NAALADL2: variants seen among roughly 807,000 people sequenced by gnomAD.
The protein encoded by NAALADL2 is N-acetylated alpha-linked acidic dipeptidase like 2.
In NAALADL2, 76 loss-of-function variants were observed where a neutral mutation model predicts 87.2. The ratio of observed to expected loss-of-function variants is 0.87; its 90% CI spans 0.72 to 1.05. NAALADL2 has a LOEUF of 1.05. Among genes scored for constraint, NAALADL2 ranks in the 50% least tolerant of loss-of-function variants. The pLI, the probability that NAALADL2 is intolerant of heterozygous loss-of-function variation, is 0.00. For synonymous variants in NAALADL2, 354 were observed against 331.0 expected (o/e 1.07, Z -0.75); for missense variants, 1,089 against 945.8 (o/e 1.15, Z -1.99).
intron 2 of NAALADL2, among the ~76,000 whole-genome samples, chr3:175,232,907 A>G (rs75278914): frequency 6.6e-6 from 1 of 151,900 alleles, no homozygotes; most frequent in African/African-American, 2.4e-5. Context: ...ATTAAAAAAA[A>G]ACTTTCTCAG....
intron 11 of NAALADL2, among the ~76,000 whole-genome samples, chr3:175,632,266 TTCTCTCTCTCTCTCTCTCTC>T (rs61458338): frequency 0.29 from 36,992 of 129,556 alleles, 5,219 homozygotes; most frequent in African/African-American, 0.41. Context: ...CACTTTCCCC[TTCTCTCTCTCTCTCTCTCTC>T]TCTCTCTCTC....
intron 2 of NAALADL2, among the ~76,000 whole-genome samples, chr3:174,681,362 T>C (rs781372996): frequency 3.9e-5 from 6 of 151,920 alleles, no homozygotes; most frequent in Non-Finnish European, 7.4e-5. Context: ...TCAGCTGGGG[T>C]GGCCAAGAGA....
chr3:175,788,621 A>G (rs975006132), intron 13 of NAALADL2, among the ~76,000 whole-genome samples: 2 of 152,196 alleles, frequency 1.3e-5, no homozygotes, highest in African/African-American at 4.8e-5. Flanking sequence ...ATGTTTGCAC[A>G]ATAATGAAAT....
At chr3:174,636,284 A>T (rs1477836710) in intron 2 of NAALADL2, among the ~76,000 whole-genome samples, 1 of 152,162 alleles carries the variant, frequency 6.6e-6, no homozygotes, top group Non-Finnish European at 1.5e-5. Context: ...CTACTCAAAG[A>T]TTTTATAGCT....
chr3:175,054,234 G>C lies in NAALADL2; in HGVS notation c.44-42556G>C, dbSNP rs548200830. 2.0e-4 allele frequency among the ~76,000 whole-genome samples: 31 copies of C among 152,332 alleles called. No homozygotes were observed. In the South Asian group the frequency reaches 5.8e-3, roughly 28 times the overall value. On this transcript the variant is annotated intron_variant, in intron 1 of 13. Coordinates refer to ENST00000454872, the MANE Select transcript of NAALADL2 (RefSeq NM_207015.3). Reference sequence around the variant, plus strand: ...TTAAGCCAGAATAAGAAGCTTTACTGTTGCTAGACCCATCTGTAAAACAAT... The same window carrying C: ...TTAAGCCAGAATAAGAAGCTTTACTCTTGCTAGACCCATCTGTAAAACAAT...
At chr3:174,857,402 C>T (rs4894688), upstream of NAALADL2, among the ~76,000 whole-genome samples, 70,195 of 151,886 alleles carry the variant, frequency 0.46, 16,684 homozygotes, top group African/African-American at 0.56. Context: ...TTTTTGTTAT[C>T]GTTTAAGAAT....
In NAALADL2 at chr3:174,985,932, A is replaced by G. The variant is rs373403113; in HGVS notation, c.44-110858A>G. The stretch of plus-strand genomic sequence containing the variant: ...ACGCCATTGCACTCCAGCCTGGGCA[A>G]CGAGAGCGAAACTCCGTCTCAAAAA... On this transcript the variant is annotated intron_variant, in intron 1 of 13. Coordinates refer to ENST00000454872, the MANE Select transcript of NAALADL2 (RefSeq NM_207015.3). 1.2e-4 allele frequency among the ~76,000 whole-genome samples: 18 copies of G among 152,074 alleles called. 1 individual carries two copies. In the East Asian group the frequency reaches 1.9e-3, roughly 16 times the overall value.
intron 1 of NAALADL2, among the ~76,000 whole-genome samples, chr3:174,968,661 T>G (rs965467197): frequency 1.3e-5 from 2 of 151,966 alleles, no homozygotes; most frequent in Non-Finnish European, 2.9e-5. Context: ...TGTATTTTTA[T>G]TAGAGACGGG....
At chr3:175,371,569 A>G (rs143591091) in intron 5 of NAALADL2, among the ~76,000 whole-genome samples, 5 of 152,162 alleles carry the variant, frequency 3.3e-5, no homozygotes, top group Non-Finnish European at 7.3e-5. Flanking sequence ...TCATGCTTGT[A>G]ATCCCAGCTC....
intron 13 of NAALADL2, 89 bp from the exon 14 acceptor site, chr3:175,802,916 T>A: frequency 1.3e-6 from 1 of 791,910 alleles, no homozygotes; most frequent in Non-Finnish European, 2.0e-6. Context: ...ATTGAAAACA[T>A]CACTGACTCT....
At chr3:175,054,455 T>C (rs576951295) in intron 1 of NAALADL2, among the ~76,000 whole-genome samples, 1 of 152,364 alleles carries the variant, frequency 6.6e-6, no homozygotes, top group African/African-American at 2.4e-5. Context: ...ACTGAATTGA[T>C]AGCTCTTAAG....
At chr3:175,022,610 AAT>A (rs1426385803) in intron 1 of NAALADL2, among the ~76,000 whole-genome samples, 1 of 152,048 alleles carries the variant, frequency 6.6e-6, no homozygotes. Context: ...AAGCTCAGTT[AAT>A]AAGGCCAGGG....
chr3:175,620,944 C>T (rs924279717), intron 10 of NAALADL2, among the ~76,000 whole-genome samples: 6 of 152,070 alleles, frequency 3.9e-5, no homozygotes, highest in African/African-American at 1.4e-4. Context: ...GACCCAAAAG[C>T]GGGTAAGTCT....
intron 11 of NAALADL2, among the ~76,000 whole-genome samples, chr3:175,671,910 C>T (rs1034231378): frequency 6.6e-6 from 1 of 151,918 alleles, no homozygotes; most frequent in Non-Finnish European, 1.5e-5. Flanking sequence ...TAATTCATTA[C>T]TATGTTCCAA....
intron 9 of NAALADL2, among the ~76,000 whole-genome samples, chr3:175,503,616 TA>T (rs763762242): frequency 6.6e-6 from 1 of 152,178 alleles, no homozygotes; most frequent in Non-Finnish European, 1.5e-5. Flanking sequence ...TTCTTAATAA[TA>T]GCCATTCTGA....
intron 13 of NAALADL2, among the ~76,000 whole-genome samples, chr3:175,798,880 T>A (rs911200582): frequency 1.3e-5 from 2 of 152,072 alleles, no homozygotes; most frequent in Non-Finnish European, 2.9e-5. Flanking sequence ...AAATTGAATA[T>A]GGATATTTAA....
At chr3:174,936,633 G>A (rs1162221238) in intron 1 of NAALADL2, among the ~76,000 whole-genome samples, 2 of 152,072 alleles carry the variant, frequency 1.3e-5, no homozygotes, top group African/African-American at 4.8e-5. Flanking sequence ...GGTCCCACAA[G>A]ATCATAGCAC....
At chr3:174,794,592 A>C (rs567128005) in intron 3 of NAALADL2, among the ~76,000 whole-genome samples, 21 of 152,292 alleles carry the variant, frequency 1.4e-4, no homozygotes, top group African/African-American at 4.1e-4. Context: ...GCCATCAAAG[A>C]AAAGCATTCT....
At chr3:174,906,476 C>T (rs1732970607) in intron 1 of NAALADL2, among the ~76,000 whole-genome samples, 1 of 152,038 alleles carries the variant, frequency 6.6e-6, no homozygotes, top group Non-Finnish European at 1.5e-5. Context: ...CTCACTTGTT[C>T]CAAGGGAAGT....
Sources: gnomAD v4.1 joint callset for allele counts (sites outside exome capture counted in the v4.1 genomes callset) on GRCh38, gnomAD v4.1.1 for gene constraint, MANE v1.5 for transcripts, NCBI Gene and HGNC (gene_info 2026-07-23, HGNC 2026-07-21) for gene names.